Variants in MAGI2 observed in about 807,000 individuals in gnomAD.
MAGI2 encodes membrane associated guanylate kinase, WW and PDZ domain containing 2.
MAGI2 carries 35 observed loss-of-function variants against 133.3 expected under a neutral mutation model. That is an observed-to-expected ratio of 0.26 (90% confidence interval 0.20 to 0.35). MAGI2 has a LOEUF of 0.35. MAGI2 is among the 10% of genes least tolerant of loss of function. The pLI is 1.00. For synonymous variants in MAGI2, 729 were observed against 710.6 expected, an observed-to-expected ratio of 1.03 and a Z score of -0.41; for missense variants, 1,636 against 1,863.4, an observed-to-expected ratio of 0.88 and a Z score of 2.25.
intron 10 of MAGI2, among the ~76,000 whole-genome samples, chr7:78,215,072 C>G (rs549400269): frequency 6.6e-6 from 1 of 152,134 alleles, no homozygotes; most frequent in Non-Finnish European, 1.5e-5. Flanking sequence ...TCACGGATGT[C>G]ATTTTAGTTT....
At chr7:78,316,763 C>T (rs1385608316) in intron 9 of MAGI2, among the ~76,000 whole-genome samples, 2 of 152,032 alleles carry the variant, frequency 1.3e-5, no homozygotes, top group African/African-American at 4.8e-5. Context: ...AAATTATAAC[C>T]CTAGAGTGAG....
Position 79,007,195 on chromosome 7 carries a change from C to T in MAGI2, c.313G>A (p.Asp105Asn). The change falls in exon 2 of 22, where the codon GAT (aspartate) becomes AAT (asparagine). Residue 105 changes from aspartate (D) to asparagine (N), a missense_variant. Asp to Asn is a conservative substitution (Grantham distance 23). Coordinates refer to ENST00000354212, the MANE Select transcript of MAGI2 (RefSeq NM_012301.4). ...TTGAGGTAGTGACGAAGGTCTTTATCAACAATTCCTCCTAAAAATAAAAAA... is the reference window on the plus strand; with the variant it reads ...TTGAGGTAGTGACGAAGGTCTTTATTAACAATTCCTCCTAAAAATAAAAAA... ...LKCVKQGGIV[D>N]KDLRHYLNLR... 1 of 1,598,944 alleles carries T rather than the reference C, an allele frequency of 6.3e-7. No homozygotes were observed. Among genetic ancestry groups the T allele is most frequent in the Non-Finnish European group, 8.5e-7 (1 of 1,172,530 alleles).
At chr7:79,408,256 G>C (rs1845937898) in intron 1 of MAGI2, among the ~76,000 whole-genome samples, 1 of 151,578 alleles carries the variant, frequency 6.6e-6, no homozygotes, top group Non-Finnish European at 1.5e-5. Flanking sequence ...ATTATTACTA[G>C]GAACACTCTA....
chr7:78,604,797 C>A (rs1805626484), intron 3 of MAGI2, among the ~76,000 whole-genome samples: 1 of 152,172 alleles, frequency 6.6e-6, no homozygotes, highest in Non-Finnish European at 1.5e-5. Flanking sequence ...CATTTAAATT[C>A]ATATAAATGG....
chr7:79,311,469 TTCAATATCCCCC>T (rs1241560913), intron 1 of MAGI2, among the ~76,000 whole-genome samples: 1 of 152,090 alleles, frequency 6.6e-6, no homozygotes. Context: ...CTGCTCCAGA[TTCAATATCCCCC>T]TCACTTGACT....
At chr7:78,317,393 GCCT>G (rs1345310760) in intron 9 of MAGI2, among the ~76,000 whole-genome samples, 2 of 152,158 alleles carry the variant, frequency 1.3e-5, no homozygotes, top group East Asian at 3.8e-4. Context: ...TTAGCCATTG[GCCT>G]CCACCTAATG....
At chr7:78,442,945 T>C (rs1690843671) in intron 6 of MAGI2, among the ~76,000 whole-genome samples, 1 of 152,204 alleles carries the variant, frequency 6.6e-6, no homozygotes, top group Non-Finnish European at 1.5e-5. Context: ...ATACCATTTG[T>C]TTTCTTTCTT....
intron 1 of MAGI2, among the ~76,000 whole-genome samples, chr7:79,062,704 C>G (rs1293561686): frequency 1.3e-5 from 2 of 151,994 alleles, no homozygotes; most frequent in African/African-American, 4.8e-5. Context: ...CAGGTGCATC[C>G]ATGCACCTCC....
At chr7:78,673,481 A>G (rs561199828) in intron 2 of MAGI2, among the ~76,000 whole-genome samples, 1 of 152,036 alleles carries the variant, frequency 6.6e-6, no homozygotes, top group Non-Finnish European at 1.5e-5. Context: ...AGGAAATCTG[A>G]TGGTGTTCAG....
chr7:78,692,760 G>A (rs161437), intron 2 of MAGI2, among the ~76,000 whole-genome samples: 11,731 of 152,118 alleles, frequency 0.077, 1,137 homozygotes, highest in East Asian at 0.51. Context: ...GAATTAAATA[G>A]CACACGTATG....
chr7:78,474,139 G>A (rs1338008576), intron 6 of MAGI2, among the ~76,000 whole-genome samples: 3 of 151,566 alleles, frequency 2.0e-5, no homozygotes, highest in Admixed American at 1.3e-4. Flanking sequence ...ATGCTGATAT[G>A]ACTATAAGAT....
intron 2 of MAGI2, among the ~76,000 whole-genome samples, chr7:78,736,919 C>T (rs1118935): frequency 0.39 from 58,744 of 151,956 alleles, 12,048 homozygotes; most frequent in Non-Finnish European, 0.47. Flanking sequence ...TACTTCATAC[C>T]TAAATATGAT....
chr7:79,420,384 A>G (rs1434163878), intron 1 of MAGI2, among the ~76,000 whole-genome samples: 3 of 152,034 alleles, frequency 2.0e-5, no homozygotes, highest in Non-Finnish European at 1.5e-5. Flanking sequence ...GATGCCCCCA[A>G]TTCACCACAT....
At chr7:78,859,080 TC>T (rs1793925609) in intron 2 of MAGI2, among the ~76,000 whole-genome samples, 3 of 152,240 alleles carry the variant, frequency 2.0e-5, no homozygotes, top group African/African-American at 7.2e-5. Context: ...TTTTTTGTTT[TC>T]CATTTGCTTG....
chr7:79,383,599 C>A (rs374062584), intron 1 of MAGI2, among the ~76,000 whole-genome samples: 1 of 151,322 alleles, frequency 6.6e-6, no homozygotes, highest in Non-Finnish European at 1.5e-5. Context: ...TGTTCACATA[C>A]CACAAATTCA....
At chr7:79,396,774 A>G (rs747038032) in intron 1 of MAGI2, among the ~76,000 whole-genome samples, 1 of 152,152 alleles carries the variant, frequency 6.6e-6, no homozygotes, top group Non-Finnish European at 1.5e-5. Flanking sequence ...CCTAATACGT[A>G]TTACTTTTAA....
chr7:79,381,436 A>G (rs926225873), intron 1 of MAGI2, among the ~76,000 whole-genome samples: 1 of 151,768 alleles, frequency 6.6e-6, no homozygotes, highest in African/African-American at 2.4e-5. Flanking sequence ...TATACTCTCA[A>G]TTTGATATAT....
At chr7:78,483,767 C>G (rs765287050) in intron 6 of MAGI2, among the ~76,000 whole-genome samples, 1 of 151,856 alleles carries the variant, frequency 6.6e-6, no homozygotes, top group African/African-American at 2.4e-5. Flanking sequence ...ATGATTAATA[C>G]CAGTCAGCTA....
rs549140956 is a variant in MAGI2, at chr7:78,536,938, G to A, written c.539-15293C>T. Among the ~76,000 whole-genome samples, 31 of 152,112 alleles carry A rather than the reference G, an allele frequency of 2.0e-4. No homozygotes were observed. In the East Asian group the frequency reaches 5.6e-3, roughly 28 times the overall value. On this transcript the variant is annotated intron_variant, in intron 3 of 21. Coordinates refer to ENST00000354212, the MANE Select transcript of MAGI2 (RefSeq NM_012301.4). ...ATGCAGTGTACTCTGTACCCAATGT[G>A]TAGTCTTTTATCCCTTGCTCCTCTT...
Sources: gnomAD v4.1 joint callset for allele counts (sites outside exome capture counted in the v4.1 genomes callset) on GRCh38, gnomAD v4.1.1 for gene constraint, MANE v1.5 for transcripts, NCBI Gene and HGNC (gene_info 2026-07-23, HGNC 2026-07-21) for gene names.